OPCML: variants seen among roughly 807,000 people sequenced by gnomAD.
OPCML encodes opioid binding protein/cell adhesion molecule like.
Under a neutral mutation model 37.8 loss-of-function variants are expected in OPCML, and 13 were observed. The observed-to-expected ratio is 0.34, with a 90% CI of 0.22 to 0.55. The LOEUF (loss-of-function observed/expected upper bound fraction) is 0.55. Ranked by LOEUF, OPCML falls within the 20% of genes least tolerant of loss-of-function variation. The probability of loss-of-function intolerance (pLI) is 0.91; values close to 1 mark genes in which losing one functional copy is unlikely to be tolerated. For missense variants in OPCML, 341 were observed against 435.6 expected (o/e 0.78, Z 1.93); for synonymous variants, 176 against 168.8 (o/e 1.04, Z -0.33).
intron 1 of OPCML, among the ~76,000 whole-genome samples, chr11:133,329,758 C>A (rs1171673219): frequency 2.6e-5 from 4 of 152,126 alleles, no homozygotes; most frequent in Admixed American, 2.6e-4. Flanking sequence ...TAGGCAATAC[C>A]ATTCAGGACA....
chr11:132,419,201 G>A lies in OPCML; in HGVS notation c.*992C>T, dbSNP rs1377453172. On this transcript the variant is annotated 3_prime_UTR_variant, in exon 8 of 8. Transcript: ENST00000524381. The stretch of plus-strand genomic sequence containing the variant: ...GTGGGAGAGATACAATATGGTTAGA[G>A]ATTCATATGGGGATGAATTGATAGT... The A allele has an allele frequency of 6.6e-6, 1 of 152,248 alleles. No homozygotes were observed. The highest frequency in any genetic ancestry group is 1.9e-4 in the East Asian group (1 of 5,196). 9.4% of individuals were successfully genotyped at this position (152,248 alleles called of 1,614,324 possible). A position where few individuals can be genotyped will look rare whatever the true frequency, so the allele number is the denominator to read the frequency against.
At chr11:133,381,912 G>A (rs1944937962) in intron 1 of OPCML, among the ~76,000 whole-genome samples, 1 of 152,198 alleles carries the variant, frequency 6.6e-6, no homozygotes, top group African/African-American at 2.4e-5. Context: ...TCAACCCTCA[G>A]CTGCTCCTGT....
chr11:132,692,922 C>A (rs1285870989), intron 2 of OPCML, among the ~76,000 whole-genome samples: 1 of 152,162 alleles, frequency 6.6e-6, no homozygotes, highest in Non-Finnish European at 1.5e-5. Flanking sequence ...TTTCCTAAAG[C>A]AGACACTTAT....
rs80110754 is a variant in OPCML, at chr11:132,872,477, A to C, written c.146+70449T>G. 7.8e-3 allele frequency among the ~76,000 whole-genome samples: 1,183 copies of C among 151,960 alleles called. 22 individuals are homozygous for C. The highest frequency in any genetic ancestry group is 0.026 in the African/African-American group (1,077 of 41,394). On this transcript the variant is annotated intron_variant, in intron 2 of 7. Coordinates refer to ENST00000524381, the MANE Select transcript of OPCML (RefSeq NM_001012393.5). ...GCGACAACAGGGCACATTTTCACCC[A>C]CCTCCACAAGTGAGCAACTCCAGGC... is the stretch of plus-strand genomic sequence containing the variant.
chr11:132,518,302 C>T (rs1326615685), intron 4 of OPCML, among the ~76,000 whole-genome samples: 2 of 152,152 alleles, frequency 1.3e-5, no homozygotes, highest in African/African-American at 4.8e-5. Flanking sequence ...GTTCAACACC[C>T]ACTTATGAGT....
chr11:133,182,450 G>T (rs1937877409), intron 1 of OPCML, among the ~76,000 whole-genome samples: 1 of 152,150 alleles, frequency 6.6e-6, no homozygotes, highest in South Asian at 2.1e-4. Context: ...CTTGCCAGCT[G>T]CCTGCCAGTT....
At chr11:132,951,256 G>C (rs1024230589) in intron 1 of OPCML, among the ~76,000 whole-genome samples, 2 of 152,186 alleles carry the variant, frequency 1.3e-5, no homozygotes, top group African/African-American at 2.4e-5. Context: ...CTGCAGACTA[G>C]GTGGCCTCAC....
At chr11:132,817,634 G>A (rs569483159) in intron 2 of OPCML, among the ~76,000 whole-genome samples, 1 of 152,184 alleles carries the variant, frequency 6.6e-6, no homozygotes, top group East Asian at 1.9e-4. Context: ...ATAGAATAAT[G>A]AACTTGGCAG....
intron 1 of OPCML, among the ~76,000 whole-genome samples, chr11:133,458,230 G>A (rs1199266457): frequency 2.8e-5 from 3 of 108,508 alleles, no homozygotes; most frequent in Admixed American, 2.5e-4. Context: ...ATATATACAC[G>A]TGTGTGTATA....
chr11:132,754,295 G>C (rs546134324), intron 2 of OPCML, among the ~76,000 whole-genome samples: 1 of 152,276 alleles, frequency 6.6e-6, no homozygotes, highest in South Asian at 2.1e-4. Context: ...GACCCGATGG[G>C]AGTTTATTGA....
chr11:133,084,317 G>T (rs980442019), intron 1 of OPCML, among the ~76,000 whole-genome samples: 1 of 152,052 alleles, frequency 6.6e-6, no homozygotes, highest in Non-Finnish European at 1.5e-5. Flanking sequence ...AACATCATTT[G>T]GTTCTTATCA....
intron 1 of OPCML, among the ~76,000 whole-genome samples, chr11:133,366,868 A>C (rs1475606450): frequency 1.3e-5 from 2 of 152,216 alleles, no homozygotes; most frequent in African/African-American, 4.8e-5. Context: ...AACACTCAGG[A>C]GGCACCAATA....
chr11:132,779,738 C>T (rs1223942473), intron 2 of OPCML, among the ~76,000 whole-genome samples: 1 of 152,110 alleles, frequency 6.6e-6, no homozygotes, highest in East Asian at 1.9e-4. Flanking sequence ...CTGTGTAATA[C>T]AAATAGGGAG....
intron 2 of OPCML, among the ~76,000 whole-genome samples, chr11:132,901,370 A>C (rs1171344594): frequency 6.6e-6 from 1 of 152,190 alleles, no homozygotes; most frequent in East Asian, 1.9e-4. Flanking sequence ...TTTAAACTGA[A>C]TAAATAATTG....
intron 2 of OPCML, among the ~76,000 whole-genome samples, chr11:132,819,785 T>C (rs1939863928): frequency 6.6e-6 from 1 of 152,192 alleles, no homozygotes; most frequent in Non-Finnish European, 1.5e-5. Flanking sequence ...AGAGACATCA[T>C]CAGTAAGTCA....
chr11:133,008,893 T>C (rs1009643267), intron 1 of OPCML: 2 of 985,342 alleles, frequency 2.0e-6, no homozygotes, highest in Admixed American at 6.1e-5. Flanking sequence ...TCTGGTCATA[T>C]GAGTGATCTG....
intron 4 of OPCML, among the ~76,000 whole-genome samples, chr11:132,439,106 C>T (rs950778549): frequency 6.6e-6 from 1 of 152,164 alleles, no homozygotes; most frequent in African/African-American, 2.4e-5. Flanking sequence ...TGCCTGGCTA[C>T]CCTCCTCAAA....
chr11:132,455,146 CAG>C (rs1166732658), intron 4 of OPCML, among the ~76,000 whole-genome samples: 1 of 152,232 alleles, frequency 6.6e-6, no homozygotes, highest in African/African-American at 2.4e-5. Flanking sequence ...AAAAGTTTCA[CAG>C]AGTTTGCGCA....
intron 2 of OPCML, among the ~76,000 whole-genome samples, chr11:132,720,499 T>C (rs886720997): frequency 1.3e-5 from 2 of 152,254 alleles, no homozygotes; most frequent in African/African-American, 4.8e-5. Flanking sequence ...AAACTGCATT[T>C]GCCAAAAAGA....
Sources: allele counts gnomAD v4.1 joint callset (sites outside exome capture counted in the v4.1 genomes callset), GRCh38; gene constraint gnomAD v4.1.1; transcripts MANE v1.5; gene names NCBI Gene and HGNC (gene_info 2026-07-23, HGNC 2026-07-21).